Variants in ACOT12 observed in about 807,000 individuals in gnomAD.
The protein encoded by ACOT12 is acyl-CoA thioesterase 12, also known as acetyl-coenzyme A thioesterase.
ACOT12 carries 51 observed loss-of-function variants against 67.7 expected under a neutral mutation model. The observed-to-expected ratio is 0.75, with a 90% confidence interval of 0.60 to 0.95. The LOEUF is 0.95. Among genes scored for constraint, ACOT12 ranks in the 40% least tolerant of loss-of-function variants. The pLI, the probability that ACOT12 is intolerant of heterozygous loss-of-function variation, is 0.00. For synonymous variants in ACOT12, 251 were observed against 244.6 expected, an observed-to-expected ratio of 1.03 and a Z score of -0.24; for missense variants, 734 against 708.1, an observed-to-expected ratio of 1.04 and a Z score of -0.41.
At position 81,330,890 on chromosome 5, in the gene ACOT12, G is replaced by A. The variant is rs151004328; in HGVS notation, c.1442C>T (p.Pro481Leu). Residue 481 changes from proline (P) to leucine (L), a missense_variant, in exon 14 of 15, where the codon CCG becomes CTG. Pro to Leu is a moderately conservative substitution (Grantham distance 98). Transcript: ENST00000307624. Reference sequence around the variant, plus strand: ...TTCACTTCTGATGTACTGTGGAGACGGGGGGACCGATGGCAAAATGACCGA... The same window carrying A: ...TTCACTTCTGATGTACTGTGGAGACAGGGGGACCGATGGCAAAATGACCGA... Reference protein sequence around the residue: ...VKSVILPSVPPSPQYIRSEII... With the variant: ...VKSVILPSVPLSPQYIRSEII... 1.4e-5 allele frequency: 22 copies of A among 1,612,052 alleles called. No individual in the cohort carries two copies. Among genetic ancestry groups the A allele is most frequent in the Middle Eastern group, 1.6e-4 (1 of 6,078 alleles).
intron 11 of ACOT12, among the ~76,000 whole-genome samples, chr5:81,338,071 T>A (rs551534710): frequency 6.6e-6 from 1 of 152,190 alleles, no homozygotes; most frequent in Admixed American, 6.5e-5. Flanking sequence ...ATCAATGATA[T>A]TGATGCAAAC....
the ACOT12 span, among the ~76,000 whole-genome samples, chr5:81,314,133 CTCACTCTG>C: frequency 5.3e-5 from 8 of 151,878 alleles, no homozygotes; most frequent in East Asian, 1.5e-3. Flanking sequence ...TTTTTGATAG[CTCACTCTG>C]TCACCCAGGC....
Position 81,330,466 on chromosome 5 carries a change from A to C in ACOT12, c.1596T>G (p.Ile532Met), listed in dbSNP as rs762945959. 6 of 1,614,174 alleles carry C rather than the reference A, an allele frequency of 3.7e-6. No individual in the cohort carries two copies. In the Admixed American group the frequency reaches 8.3e-5, roughly 22 times the overall value. Residue 532 changes from isoleucine to methionine, a missense_variant, in exon 15 of 15, where the codon ATT (isoleucine) becomes ATG (methionine). By Grantham distance (10) the Ile-to-Met change is conservative. Transcript: ENST00000307624. Reference protein sequence around the residue: ...AGNLGGWSKSIEETAASCIQF... With the variant: ...AGNLGGWSKSMEETAASCIQF... ...GTATACAAGAGGCTGCTGTTTCTTC[A>C]ATGGATTTTGACCAGCCACCAAGAT...
In ACOT12 at chr5:81,343,885, G is replaced by A; in HGVS notation, c.981-4C>T. 1.9e-6 allele frequency: 3 copies of A among 1,598,004 alleles called. No individual in the cohort carries two copies. The highest frequency in any genetic ancestry group is 1.4e-5 in the African/African-American group (1 of 73,860). On this transcript the variant is annotated splice_region_variant and splice_polypyrimidine_tract_variant and intron_variant, in intron 9 of 14. Coordinates refer to ENST00000307624, the MANE Select transcript of ACOT12 (RefSeq NM_130767.3). ...TTTGTGGGAAATAACATATTTTCTGGAAAAAAAAATTAAAGTGTTAAATGA... is the reference window on the plus strand; with the variant it reads ...TTTGTGGGAAATAACATATTTTCTGAAAAAAAAAATTAAAGTGTTAAATGA...
chr5:81,316,756 G>A, the ACOT12 span, among the ~76,000 whole-genome samples: 1 of 152,146 alleles, frequency 6.6e-6, no homozygotes, highest in Non-Finnish European at 1.5e-5. Flanking sequence ...ATCCCAGTGG[G>A]TGTAAAGTGG....
intron 2 of ACOT12, among the ~76,000 whole-genome samples, chr5:81,384,334 T>A (rs1329227317): frequency 2.0e-5 from 3 of 151,442 alleles, no homozygotes; most frequent in East Asian, 3.9e-4. Context: ...ATAGACGGGG[T>A]TTCATGTTGG....
intron 13 of ACOT12, among the ~76,000 whole-genome samples, chr5:81,332,015 T>G (rs564289300): frequency 7.2e-5 from 11 of 152,364 alleles, no homozygotes; most frequent in Non-Finnish European, 1.5e-4. Flanking sequence ...TGGGACAGTT[T>G]CTCTTAGAAG....
intron 3 of ACOT12, 118 bp from the exon 4 acceptor site, chr5:81,364,007 T>C: frequency 1.9e-6 from 1 of 513,180 alleles, no homozygotes. Context: ...AACCAGAATT[T>C]TAATTTATTT....
At chr5:81,313,989 A>T in the ACOT12 span, among the ~76,000 whole-genome samples, 1 of 152,184 alleles carries the variant, frequency 6.6e-6, no homozygotes, top group Admixed American at 6.6e-5. Context: ...CACCTGTCCC[A>T]TCAGGAGCAG....
the ACOT12 span, chr5:81,311,216 G>T: frequency 6.2e-7 from 1 of 1,613,894 alleles, no homozygotes; most frequent in Admixed American, 1.7e-5. Flanking sequence ...AATAGGTGGC[G>T]GTTGCAAACT....
At chr5:81,389,210 G>A (rs1030666459) in intron 1 of ACOT12, among the ~76,000 whole-genome samples, 2 of 152,196 alleles carry the variant, frequency 1.3e-5, no homozygotes, top group East Asian at 3.9e-4. Context: ...TGAGCAGAGG[G>A]AACAGTGACT....
chr5:81,337,656 C>T (rs1759046384), intron 11 of ACOT12, among the ~76,000 whole-genome samples: 1 of 152,138 alleles, frequency 6.6e-6, no homozygotes, highest in African/African-American at 2.4e-5. Context: ...AGAAAATCAC[C>T]AGAAGCTAGG....
intron 1 of ACOT12, among the ~76,000 whole-genome samples, chr5:81,392,693 G>A (rs1760895846): frequency 6.6e-6 from 1 of 151,646 alleles, no homozygotes; most frequent in East Asian, 1.9e-4. Context: ...TTTCCTATGT[G>A]TGGATTAATT....
At chr5:81,315,901 C>G in the ACOT12 span, among the ~76,000 whole-genome samples, 1 of 152,178 alleles carries the variant, frequency 6.6e-6, no homozygotes, top group African/African-American at 2.4e-5. Context: ...CATTTATCAC[C>G]TTCTACCATA....
At chr5:81,345,792 A>C (rs999902781) in intron 7 of ACOT12, 93 bp downstream of exon 7, 3 of 1,508,000 alleles carry the variant, frequency 2.0e-6, no homozygotes, top group Non-Finnish European at 2.7e-6. Context: ...GAATTTCACT[A>C]AAGTAGTTCC....
chr5:81,393,778 TGAA>T (rs951211431), intron 1 of ACOT12, among the ~76,000 whole-genome samples: 6 of 151,756 alleles, frequency 4.0e-5, no homozygotes, highest in African/African-American at 1.5e-4. Flanking sequence ...TTTAATGGAA[TGAA>T]GGAGTCCCGA....
intron 6 of ACOT12, 43 bp from the exon 7 acceptor site, chr5:81,346,047 A>G: frequency 2.5e-6 from 4 of 1,601,760 alleles, no homozygotes; most frequent in Non-Finnish European, 3.4e-6. Flanking sequence ...GCGATCACAC[A>G]TTCATTCATC....
chr5:81,341,877 G>A (rs985406877), intron 11 of ACOT12, among the ~76,000 whole-genome samples: 33 of 152,290 alleles, frequency 2.2e-4, no homozygotes, highest in African/African-American at 7.9e-4. Context: ...ATGTACTTAG[G>A]GAAAGAAGAC....
chr5:81,387,166 C>T (rs1416914669), intron 1 of ACOT12, among the ~76,000 whole-genome samples: 2 of 151,980 alleles, frequency 1.3e-5, no homozygotes, highest in African/African-American at 4.8e-5. Context: ...CCACCATGCC[C>T]AGCTAATTTT....
Sources: gnomAD v4.1 joint callset for allele counts (sites outside exome capture counted in the v4.1 genomes callset) on GRCh38, gnomAD v4.1.1 for gene constraint, MANE v1.5 for transcripts, NCBI Gene and HGNC (gene_info 2026-07-23, HGNC 2026-07-21) for gene names.